Variants in NR6A1 observed in about 807,000 individuals in gnomAD.
NR6A1 encodes retinoic acid receptor-related testis-associated receptor.
A neutral mutation model predicts 59.1 loss-of-function variants in NR6A1; 7 were observed. The observed-to-expected ratio is 0.12, with a 90% CI of 0.07 to 0.22. The LOEUF (loss-of-function observed/expected upper bound fraction) is 0.22. Among genes scored for constraint, NR6A1 ranks in the 10% least tolerant of loss-of-function variants. The probability of loss-of-function intolerance (pLI) is 1.00; values close to 1 mark genes in which losing one functional copy is unlikely to be tolerated. For missense variants in NR6A1, 468 were observed against 611.6 expected (o/e 0.77, Z 2.48); for synonymous variants, 243 against 236.1 (o/e 1.03, Z -0.27).
chr9:124,738,616 C>T (rs960532405), intron 1 of NR6A1, among the ~76,000 whole-genome samples: 1 of 152,094 alleles, frequency 6.6e-6, no homozygotes, highest in Admixed American at 6.6e-5. Flanking sequence ...CGCCTGTAAT[C>T]CCAGCATTTG....
At chr9:124,696,520 C>CTTTTTT (rs10625540) in intron 2 of NR6A1, among the ~76,000 whole-genome samples, 28 of 104,988 alleles carry the variant, frequency 2.7e-4, no homozygotes, top group African/African-American at 3.9e-4. Flanking sequence ...TGTTCTCTAG[C>CTTTTTT]TTTTTTTTTT....
At chr9:124,577,193 G>A (rs911918165) in intron 2 of NR6A1, among the ~76,000 whole-genome samples, 2 of 152,188 alleles carry the variant, frequency 1.3e-5, no homozygotes, top group African/African-American at 4.8e-5. Context: ...TTAGAGAGGT[G>A]AAAATACACT....
At chr9:124,560,607 C>T (rs977450104) in intron 2 of NR6A1, among the ~76,000 whole-genome samples, 4 of 152,198 alleles carry the variant, frequency 2.6e-5, no homozygotes, top group Non-Finnish European at 4.4e-5. Flanking sequence ...GTCGCCCAGG[C>T]TGGAGTGCAA....
At chr9:124,684,588 A>T (rs901731263) in intron 2 of NR6A1, among the ~76,000 whole-genome samples, 1 of 152,144 alleles carries the variant, frequency 6.6e-6, no homozygotes, top group Non-Finnish European at 1.5e-5. Context: ...ATCTTTATTA[A>T]AATCATTCCT....
intron 2 of NR6A1, among the ~76,000 whole-genome samples, chr9:124,606,264 C>T (rs2130831844): frequency 6.6e-6 from 1 of 152,290 alleles, no homozygotes; most frequent in Middle Eastern, 3.4e-3. Context: ...TATTCTCCTA[C>T]TCTTCCCTGC....
At chr9:124,673,845 C>T (rs1238211041) in intron 2 of NR6A1, among the ~76,000 whole-genome samples, 4 of 152,084 alleles carry the variant, frequency 2.6e-5, no homozygotes, top group Admixed American at 6.6e-5. Context: ...AACAAATATA[C>T]GAGGATTAAG....
chr9:124,527,061 G>A (rs1357872757), intron 7 of NR6A1, among the ~76,000 whole-genome samples, 161 bp from the exon 8 acceptor site: 1 of 152,108 alleles, frequency 6.6e-6, no homozygotes, highest in Non-Finnish European at 1.5e-5. Flanking sequence ...TTTGTCTACA[G>A]GCCAACGTAG....
chr9:124,715,301 T>C lies in NR6A1; in HGVS notation c.142+18007A>G, dbSNP rs572679919. Among the ~76,000 whole-genome samples, 15 of 151,782 alleles carry C rather than the reference T, an allele frequency of 9.9e-5. No individual in the cohort carries two copies. In the South Asian group the frequency reaches 3.1e-3, roughly 32 times the overall value. On this transcript the variant is annotated intron_variant, in intron 2 of 9. Transcript: ENST00000487099. ...GCTTTGGGAGGCTGAGGTGAGAGGG[T>C]AGCTTGTGGCCCTAAATTTAAGACC...
At chr9:124,708,279 C>T (rs542628797) in intron 2 of NR6A1, among the ~76,000 whole-genome samples, 3 of 152,242 alleles carry the variant, frequency 2.0e-5, no homozygotes, top group Non-Finnish European at 4.4e-5. Context: ...TGGTTTTCAC[C>T]GCCAGCCCCA....
chr9:124,614,183 G>A (rs1004878514), intron 2 of NR6A1, among the ~76,000 whole-genome samples: 1 of 152,174 alleles, frequency 6.6e-6, no homozygotes, highest in African/African-American at 2.4e-5. Context: ...AGGGCTAGGA[G>A]GGAGAGGGCT....
chr9:124,646,005 A>T (rs1048394458), intron 2 of NR6A1, among the ~76,000 whole-genome samples: 2 of 152,216 alleles, frequency 1.3e-5, no homozygotes, highest in African/African-American at 4.8e-5. Flanking sequence ...TAAACAATAC[A>T]ATTCTAAATA....
At chr9:124,618,716 G>A (rs1835972260) in intron 2 of NR6A1, among the ~76,000 whole-genome samples, 1 of 152,158 alleles carries the variant, frequency 6.6e-6, no homozygotes, top group South Asian at 2.1e-4. Flanking sequence ...CTATCAAGAG[G>A]CGAGACACAA....
At chr9:124,594,252 C>T (rs753752057) in intron 2 of NR6A1, among the ~76,000 whole-genome samples, 30 of 152,102 alleles carry the variant, frequency 2.0e-4, no homozygotes, top group Non-Finnish European at 3.2e-4. Flanking sequence ...TATGAAAGTT[C>T]TTGTTTTGGT....
chr9:124,608,876 G>A (rs1041132344), intron 2 of NR6A1, among the ~76,000 whole-genome samples: 4 of 152,204 alleles, frequency 2.6e-5, no homozygotes, highest in Admixed American at 2.0e-4. Flanking sequence ...GATTTGATTT[G>A]CATTTCTCTA....
intron 1 of NR6A1, among the ~76,000 whole-genome samples, chr9:124,747,498 C>T (rs74721543): frequency 0.045 from 6,785 of 152,236 alleles, 194 homozygotes; most frequent in Non-Finnish European, 0.067. Flanking sequence ...CCCCTCTCCC[C>T]CAAACTTTCA....
At chr9:124,742,334 G>A (rs1425979044) in intron 1 of NR6A1, among the ~76,000 whole-genome samples, 2 of 152,144 alleles carry the variant, frequency 1.3e-5, no homozygotes, top group African/African-American at 4.8e-5. Flanking sequence ...AGGCCGAGGT[G>A]GGCAGATCAC....
Position 124,522,743 on chromosome 9 carries a change from C to G in NR6A1, c.1405G>C (p.Val469Leu), listed in dbSNP as rs1832829015. 6.3e-7 allele frequency: 1 copy of G among 1,593,220 alleles called. No homozygotes were observed. The highest frequency in any genetic ancestry group is 1.1e-5 in the South Asian group (1 of 87,252). ...ACACTGGTCTTGCAGGAATGCAGCA[C>G]CACCTTAAAGAGGAGGGGCAGCTGC... ...LEQLPLLFKV[V>L]LHSCKTSVGK... The change falls in exon 10 of 10, where the codon GTG becomes CTG. Residue 469 changes from valine (V) to leucine (L), a missense_variant. Coordinates refer to ENST00000487099, the MANE Select transcript of NR6A1 (RefSeq NM_033334.4).
At chr9:124,542,124 T>C (rs1446411261) in intron 4 of NR6A1, among the ~76,000 whole-genome samples, 1 of 152,242 alleles carries the variant, frequency 6.6e-6, no homozygotes. Context: ...TTAACAACAC[T>C]GTACTGTATA....
chr9:124,721,203 C>T (rs560331443), intron 2 of NR6A1, among the ~76,000 whole-genome samples: 2 of 152,174 alleles, frequency 1.3e-5, no homozygotes, highest in Admixed American at 1.3e-4. Context: ...ACCCAACAAC[C>T]GCCTTTGAAT....
Sources: allele counts gnomAD v4.1 joint callset (sites outside exome capture counted in the v4.1 genomes callset), GRCh38; gene constraint gnomAD v4.1.1; transcripts MANE v1.5; gene names NCBI Gene and HGNC (gene_info 2026-07-23, HGNC 2026-07-21).